The following UNC5C variants were observed in gnomAD, a reference collection of about 807,000 sequenced individuals.
UNC5C encodes the protein netrin receptor UNC5C.
Under a neutral mutation model 99.8 loss-of-function variants are expected in UNC5C, and 47 were observed. That is an observed-to-expected ratio of 0.47 (90% CI 0.37 to 0.60). The LOEUF (loss-of-function observed/expected upper bound fraction) is 0.60. UNC5C is among the 20% of genes least tolerant of loss of function. The probability of loss-of-function intolerance (pLI) is 0.00; values close to 1 mark genes in which losing one functional copy is unlikely to be tolerated. For missense variants in UNC5C, 1,062 were observed against 1,165.9 expected (o/e 0.91, Z 1.30); for synonymous variants, 487 against 452.2 (o/e 1.08, Z -0.98).
intron 1 of UNC5C, among the ~76,000 whole-genome samples, chr4:95,353,794 T>C (rs1444142928): frequency 6.6e-6 from 1 of 152,128 alleles, no homozygotes; most frequent in African/African-American, 2.4e-5. Context: ...GATAAGACCA[T>C]ATGGTTTAAA....
intron 3 of UNC5C, among the ~76,000 whole-genome samples, chr4:95,292,598 A>G (rs1430918367): frequency 6.6e-6 from 1 of 152,192 alleles, no homozygotes; most frequent in East Asian, 1.9e-4. Context: ...AATACAAACC[A>G]TTAACTAATA....
rs1742210494 is a variant in UNC5C, at chr4:95,309,782, G to A, written c.347-8033C>T. On this transcript the variant is annotated intron_variant, in intron 2 of 15. Coordinates refer to ENST00000453304, the MANE Select transcript of UNC5C (RefSeq NM_003728.4). ...ATCAAAAAGACAAAAGATAACAAGT[G>A]TTGGCAAAGGATATGGGGCAAAGGG... Among the ~76,000 whole-genome samples the A allele has an allele frequency of 1.3e-5, 2 of 152,142 alleles. 1 individual carries two copies. Among genetic ancestry groups the A allele is most frequent in the Admixed American group, 1.3e-4 (2 of 15,268 alleles).
At chr4:95,239,472 G>A (rs1212403546) in intron 7 of UNC5C, among the ~76,000 whole-genome samples, 1 of 152,104 alleles carries the variant, frequency 6.6e-6, no homozygotes, top group Non-Finnish European at 1.5e-5. Context: ...GTCTCACAAA[G>A]CCAGGACTTC....
At chr4:95,548,369 G>C (rs1723132363) in intron 1 of UNC5C, among the ~76,000 whole-genome samples, 1 of 151,756 alleles carries the variant, frequency 6.6e-6, no homozygotes, top group Admixed American at 6.6e-5. Context: ...ACAGCCACCC[G>C]CACCGAGAGT....
At chr4:95,436,997 G>A (rs199885633) in intron 1 of UNC5C, among the ~76,000 whole-genome samples, 297 of 129,032 alleles carry the variant, frequency 2.3e-3, no homozygotes, top group Middle Eastern at 4.3e-3. Context: ...TTTCTTTCTT[G>A]AAAAAAAAAA....
intron 1 of UNC5C, among the ~76,000 whole-genome samples, chr4:95,453,003 T>C (rs993901276): frequency 1.3e-5 from 2 of 152,136 alleles, no homozygotes; most frequent in Non-Finnish European, 2.9e-5. Flanking sequence ...CATATGATCA[T>C]ATTTCCTACT....
rs557538374 is a variant in UNC5C at position 95,488,644 on chromosome 4, G to A, written c.124+60090C>T. On this transcript the variant is annotated intron_variant, in intron 1 of 15. Coordinates refer to ENST00000453304, the MANE Select transcript of UNC5C (RefSeq NM_003728.4). Reference sequence around the variant, plus strand: ...ATTCTACCATTAACAACAGGAACTCGTAATACAGATTAATGGTAGCACATG... The same window carrying A: ...ATTCTACCATTAACAACAGGAACTCATAATACAGATTAATGGTAGCACATG... 1.1e-3 allele frequency among the ~76,000 whole-genome samples: 169 copies of A among 151,788 alleles called. 1 individual carries two copies. The highest frequency in any genetic ancestry group is 3.9e-3 in the African/African-American group (160 of 41,476).
chr4:95,338,253 G>T (rs1473632170), intron 1 of UNC5C, among the ~76,000 whole-genome samples: 1 of 151,966 alleles, frequency 6.6e-6, no homozygotes, highest in Non-Finnish European at 1.5e-5. Context: ...TTGCTCCATA[G>T]AAAACTGTCA....
intron 14 of UNC5C, among the ~76,000 whole-genome samples, chr4:95,176,540 C>T (rs544312590): frequency 9.9e-5 from 15 of 151,756 alleles, no homozygotes; most frequent in African/African-American, 3.6e-4. Flanking sequence ...GGGGTGCCTC[C>T]CAGTTAGGCT....
intron 2 of UNC5C, among the ~76,000 whole-genome samples, chr4:95,318,752 C>T (rs922851800): frequency 7.2e-5 from 11 of 152,296 alleles, no homozygotes; most frequent in African/African-American, 2.4e-4. Flanking sequence ...TTTTAATTCA[C>T]TTAAGCCTGA....
intron 2 of UNC5C, among the ~76,000 whole-genome samples, chr4:95,318,288 A>G (rs1414285588): frequency 2.6e-5 from 4 of 152,258 alleles, no homozygotes; most frequent in Admixed American, 2.0e-4. Context: ...GCAGTGATGG[A>G]GCTGGAAGCC....
At chr4:95,438,379 A>G (rs1402137793) in intron 1 of UNC5C, among the ~76,000 whole-genome samples, 2 of 152,134 alleles carry the variant, frequency 1.3e-5, no homozygotes, top group Non-Finnish European at 2.9e-5. Context: ...TGGAGCCAAG[A>G]TAACTTTCTG....
intron 1 of UNC5C, among the ~76,000 whole-genome samples, chr4:95,528,765 G>A (rs1187386036): frequency 6.6e-6 from 1 of 152,144 alleles, no homozygotes; most frequent in Non-Finnish European, 1.5e-5. Flanking sequence ...GACAAGAGCT[G>A]TTAAAAGGAG....
chr4:95,480,272 C>T (rs183715171), intron 1 of UNC5C, among the ~76,000 whole-genome samples: 3 of 148,486 alleles, frequency 2.0e-5, no homozygotes, highest in South Asian at 2.1e-4. Context: ...TAATCATATA[C>T]ATATATGTGT....
Position 95,498,192 on chromosome 4 carries a change from C to T in UNC5C, c.124+50542G>A, listed in dbSNP as rs1474694827. Among the ~76,000 whole-genome samples, 6 of 151,898 alleles carry T rather than the reference C, an allele frequency of 4.0e-5. No homozygotes were observed. In the Admixed American group the frequency reaches 4.0e-4, roughly 10 times the overall value. ...AAATAGCAACTACTGCTTATAATTC[C>T]CTTAATGTTGCAGAATTAGGTAACA... On this transcript the variant is annotated intron_variant, in intron 1 of 15. Transcript: ENST00000453304.
chr4:95,294,853 A>G (rs897305631), intron 3 of UNC5C, among the ~76,000 whole-genome samples: 1 of 152,172 alleles, frequency 6.6e-6, no homozygotes, highest in Admixed American at 6.5e-5. Context: ...ACTATGTCAT[A>G]TGTTTTACAA....
intron 1 of UNC5C, among the ~76,000 whole-genome samples, chr4:95,407,493 A>T (rs966339651): frequency 3.3e-5 from 5 of 152,102 alleles, no homozygotes; most frequent in African/African-American, 1.2e-4. Context: ...CTCAGCTGAG[A>T]CAAAGGGCAG....
chr4:95,210,547 A>G (rs377373612), intron 10 of UNC5C, among the ~76,000 whole-genome samples: 1 of 152,202 alleles, frequency 6.6e-6, no homozygotes, highest in Non-Finnish European at 1.5e-5. Context: ...GGACTTCTCT[A>G]TGTCTCATGT....
In UNC5C at chr4:95,219,130, G is replaced by A; in HGVS notation, c.1484C>T (p.Ser495Phe). 6.2e-7 allele frequency: 1 copy of A among 1,614,158 alleles called. No individual in the cohort carries two copies. Residue 495 changes from serine (S) to phenylalanine (F), a missense_variant, in exon 9 of 16, where the codon TCT becomes TTT. Physicochemically the swap from Ser to Phe is radical, Grantham distance 155. This residue lies in a region of UNC5C where 810 missense variants were observed against 854.5 expected (regional missense o/e 0.95). Transcript: ENST00000453304. ...AGGGGACAGCTTGGACGTAAACTCAGAGAGGTCATCTTGGGGGGTGACAGC... is the reference window on the plus strand; with the variant it reads ...AGGGGACAGCTTGGACGTAAACTCAAAGAGGTCATCTTGGGGGGTGACAGC... ...SGAVTPQDDL[S>F]EFTSKLSPQM...
Sources: gnomAD v4.1 joint callset for allele counts (sites outside exome capture counted in the v4.1 genomes callset) on GRCh38, gnomAD v4.1.1 for gene constraint, gnomAD v4.1.1 regional missense constraint, MANE v1.5 for transcripts, NCBI Gene and HGNC (gene_info 2026-07-23, HGNC 2026-07-21) for gene names.